The following KDM3A variants were observed in gnomAD, a reference collection of about 807,000 sequenced individuals.
The protein encoded by KDM3A is lysine demethylase 3A.
Under a neutral mutation model 158.0 loss-of-function variants are expected in KDM3A, and 60 were observed. The observed-to-expected ratio is 0.38, with a 90% CI of 0.31 to 0.47. The LOEUF (loss-of-function observed/expected upper bound fraction) is 0.47. Among genes scored for constraint, KDM3A ranks in the 20% least tolerant of loss-of-function variants. The probability of loss-of-function intolerance (pLI) is 0.99; values close to 1 mark genes in which losing one functional copy is unlikely to be tolerated. For synonymous variants in KDM3A, 608 were observed against 549.3 expected (o/e 1.11, Z -1.49); for missense variants, 1,319 against 1,574.3 (o/e 0.84, Z 2.74).
chr2:86,445,101 T>G (rs1682901441), intron 2 of KDM3A, among the ~76,000 whole-genome samples: 1 of 152,224 alleles, frequency 6.6e-6, no homozygotes, highest in South Asian at 2.1e-4. Context: ...TCTCCAGACC[T>G]TAAACACTAG....
intron 3 of KDM3A, 96 bp downstream of exon 3, chr2:86,450,058 G>T: frequency 3.1e-6 from 4 of 1,310,676 alleles, no homozygotes; most frequent in Non-Finnish European, 2.1e-6. Context: ...CAGAAAGTCA[G>T]AAAAGCTCCC....
At chr2:86,441,960 C>T in intron 1 of KDM3A, 58 bp from the exon 2 acceptor site, 1 of 1,364,056 alleles carries the variant, frequency 7.3e-7, no homozygotes, top group South Asian at 1.2e-5. Context: ...CCTGCTGTCT[C>T]CGCCCGGCCC....
intron 10 of KDM3A, among the ~76,000 whole-genome samples, chr2:86,468,640 C>T (rs933676848): frequency 1.3e-5 from 2 of 151,918 alleles, no homozygotes; most frequent in Non-Finnish European, 2.9e-5. Context: ...AGAAGCCTAC[C>T]GGGACTTCTG....
intron 10 of KDM3A, among the ~76,000 whole-genome samples, chr2:86,469,709 G>C (rs1015780413): frequency 6.6e-6 from 1 of 152,136 alleles, no homozygotes; most frequent in African/African-American, 2.4e-5. Context: ...CAGGGGCTAC[G>C]TAGGAAAGTG....
chr2:86,452,566 A>G (rs1327874400), intron 4 of KDM3A, among the ~76,000 whole-genome samples: 4 of 152,196 alleles, frequency 2.6e-5, no homozygotes, highest in Non-Finnish European at 5.9e-5. Context: ...ACACACGCAT[A>G]CAAACACACA....
At chr2:86,482,297 A>C (rs1673969109) in intron 17 of KDM3A, among the ~76,000 whole-genome samples, 161 bp from the exon 18 acceptor site, 1 of 152,070 alleles carries the variant, frequency 6.6e-6, no homozygotes, top group Non-Finnish European at 1.5e-5. Flanking sequence ...CTGTTACCTC[A>C]CTTCTATGAG....
intron 15 of KDM3A, 54 bp downstream of exon 15, chr2:86,478,789 T>A (rs1480337762): frequency 1.3e-6 from 2 of 1,565,474 alleles, no homozygotes; most frequent in Non-Finnish European, 1.7e-6. Context: ...ATTTGTCTGT[T>A]TTTCAAATAA....
chr2:86,492,243 A>G lies in KDM3A; in HGVS notation c.*124A>G, dbSNP rs559607913. 13 of 689,646 alleles carry G rather than the reference A, an allele frequency of 1.9e-5. No homozygotes were observed. The highest frequency in any genetic ancestry group is 3.1e-5 in the Non-Finnish European group (12 of 388,538). The allele number at this position is 689,646 out of a possible 1,614,324, so 42.7% of individuals were successfully genotyped here. A position where few individuals can be genotyped will look rare whatever the true frequency, so the allele number is the denominator to read the frequency against. On this transcript the variant is annotated 3_prime_UTR_variant, in exon 26 of 26. Transcript: ENST00000312912. The stretch of plus-strand genomic sequence containing the variant: ...TAAACTGTACCCAACTTGTGAGGGT[A>G]CTCTGTCTAATGTATATTTCTAGTG...
chr2:86,466,392 C>A lies in KDM3A; in HGVS notation c.1028C>A (p.Pro343Gln). ...TTCAGATGTCATAAACAAAGTTTAC[C>A]AGAGGAAATTTCTTCCTGTCTAAAT... ...IPQGCHKQSLPEEISSCLNTK... is the reference protein window; with the variant it reads ...IPQGCHKQSLQEEISSCLNTK... The change falls in exon 10 of 26, where the codon CCA becomes CAA. Residue 343 changes from proline (P) to glutamine (Q), a missense_variant. Pro to Gln is a moderately conservative substitution (Grantham distance 76, BLOSUM62 -1). Transcript: ENST00000312912. 1.2e-6 allele frequency: 2 copies of A among 1,610,338 alleles called. No individual in the cohort carries two copies. Among genetic ancestry groups the A allele is most frequent in the South Asian group, 2.2e-5 (2 of 90,686 alleles).
upstream of KDM3A, among the ~76,000 whole-genome samples, chr2:86,437,258 C>G (rs1272006925): frequency 1.3e-5 from 2 of 151,916 alleles, no homozygotes; most frequent in African/African-American, 2.4e-5. Context: ...AGTGATTCTT[C>G]TGTCTCAGCC....
intron 16 of KDM3A, among the ~76,000 whole-genome samples, chr2:86,481,216 T>A (rs1234048279): frequency 6.6e-6 from 1 of 152,140 alleles, no homozygotes; most frequent in African/African-American, 2.4e-5. Flanking sequence ...ACTGGAGACA[T>A]CATAAATAGT....
intron 6 of KDM3A, 72 bp downstream of exon 6, chr2:86,456,638 TC>T: frequency 7.0e-7 from 1 of 1,438,102 alleles, no homozygotes; most frequent in Non-Finnish European, 9.6e-7. Flanking sequence ...TTTATGATTT[TC>T]TAGGCACTAA....
At chr2:86,440,760 G>A (rs1042593954), upstream of KDM3A, 2 of 152,244 alleles carry the variant, frequency 1.3e-5, no homozygotes, top group African/African-American at 4.8e-5. Flanking sequence ...TCGCCCAGCA[G>A]CCTAAGCTCG....
At chr2:86,457,115 CA>C in intron 8 of KDM3A, 44 bp downstream of exon 8, 2 of 797,848 alleles carry the variant, frequency 2.5e-6, no homozygotes, top group South Asian at 6.5e-5. Context: ...TCCTTAACTC[CA>C]ACATTGCATG....
intron 21 of KDM3A, among the ~76,000 whole-genome samples, chr2:86,486,217 A>G (rs376873438): frequency 2.5e-4 from 38 of 152,342 alleles, no homozygotes; most frequent in East Asian, 2.1e-3. Flanking sequence ...ATTTAGGTCA[A>G]TCTGCTGGCA....
intron 4 of KDM3A, among the ~76,000 whole-genome samples, chr2:86,453,601 T>C (rs1672561451): frequency 6.6e-6 from 1 of 152,224 alleles, no homozygotes; most frequent in African/African-American, 2.4e-5. Flanking sequence ...TGCGGCTCTT[T>C]CCATTGATAC....
rs564653833 is a variant in KDM3A, at chr2:86,480,450, G to A, written c.2512+88G>A. Reference sequence around the variant, plus strand: ...AGAGAACAGTGGTTAGAAGTCGTGTGGAATGGAAAGTGCTTCTCTGGAGTC... The same window carrying A: ...AGAGAACAGTGGTTAGAAGTCGTGTAGAATGGAAAGTGCTTCTCTGGAGTC... On this transcript the variant is annotated intron_variant, in intron 16 of 25. Transcript: ENST00000312912. 953 of 1,144,716 alleles carry A rather than the reference G, an allele frequency of 8.3e-4. 2 individuals carry two copies. Among genetic ancestry groups the A allele is most frequent in the Non-Finnish European group, 7.8e-4 (632 of 812,288 alleles). 70.9% of individuals were successfully genotyped at this position (1,144,716 alleles called of 1,614,324 possible).
chr2:86,481,380 A>G lies in KDM3A; in HGVS notation c.2513-550A>G, dbSNP rs866506391. On this transcript the variant is annotated intron_variant, in intron 16 of 25. Transcript: ENST00000312912. ...CCATTGTCCTGCCTCAGCCTCCTAA[A>G]TAGCTAGGATTATAGACGCCTGCCA... 3.9e-5 allele frequency among the ~76,000 whole-genome samples: 6 copies of G among 152,030 alleles called. No individual in the cohort carries two copies. The South Asian group carries it at 8.3e-4, about 21-fold the overall frequency.
chr2:86,476,515 G>A lies in KDM3A; in HGVS notation c.1940-1362G>A, dbSNP rs912461995. ...GTCAGACTGGAGAGAGAAACTCACT[G>A]TGAGTGATACTGAAATATGCCACCA... On this transcript the variant is annotated intron_variant, in intron 12 of 25. Coordinates refer to ENST00000312912, the MANE Select transcript of KDM3A (RefSeq NM_018433.6). Among the ~76,000 whole-genome samples, 3 of 152,140 alleles carry A rather than the reference G, an allele frequency of 2.0e-5. No individual in the cohort carries two copies. In the South Asian group the frequency reaches 6.2e-4, roughly 32 times the overall value.
Sources: allele counts gnomAD v4.1 joint callset (sites outside exome capture counted in the v4.1 genomes callset), GRCh38; gene constraint gnomAD v4.1.1; transcripts MANE v1.5; gene names NCBI Gene and HGNC (gene_info 2026-07-23, HGNC 2026-07-21).